ELN: variants seen among roughly 807,000 people sequenced by gnomAD.
ELN encodes elastin, also known as tropoelastin.
A neutral mutation model predicts 105.8 loss-of-function variants in ELN; 65 were observed. The observed-to-expected ratio is 0.61, with a 90% CI of 0.50 to 0.75. ELN has a LOEUF of 0.75. ELN is among the 30% of genes least tolerant of loss of function. ELN has a pLI of 0.00. For missense variants in ELN, 882 were observed against 969.4 expected, an observed-to-expected ratio of 0.91 and a Z score of 1.20; for synonymous variants, 368 against 389.2, an observed-to-expected ratio of 0.95 and a Z score of 0.64.
Position 74,053,418 on chromosome 7 carries a change from C to T in ELN, c.1096+109C>T, listed in dbSNP as rs1441525257. The T allele has an allele frequency of 3.9e-6, 6 of 1,537,014 alleles. No individual in the cohort carries two copies. In the Admixed American group the frequency reaches 7.9e-5, roughly 20 times the overall value. On this transcript the variant is annotated intron_variant, in intron 18 of 32. Coordinates refer to ENST00000252034, the MANE Select transcript of ELN (RefSeq NM_000501.4). ...TTTTGCATTCTCCCTAACACCATAACCATCTGCCCATACCCTTGACCACGT... is the reference window on the plus strand; with the variant it reads ...TTTTGCATTCTCCCTAACACCATAATCATCTGCCCATACCCTTGACCACGT...
chr7:74,052,036 C>T lies in ELN; in HGVS notation c.949+53C>T, dbSNP rs1389114387. On this transcript the variant is annotated intron_variant, in intron 17 of 32. Coordinates refer to ENST00000252034, the MANE Select transcript of ELN (RefSeq NM_000501.4). ...ACGGCTCGGGCCCCTGCATAGACCT[C>T]GGAGACCCTAGCCGCAAAGCCAGAT... The T allele has an allele frequency of 3.4e-5, 54 of 1,604,708 alleles. 1 individual carries two copies. In the East Asian group the frequency reaches 8.3e-4, roughly 25 times the overall value.
At chr7:74,037,660 T>C (rs1554666468) in intron 3 of ELN, 47 bp from the exon 4 acceptor site, 1 of 1,600,926 alleles carries the variant, frequency 6.2e-7, no homozygotes, top group Admixed American at 1.7e-5. Flanking sequence ...AAGTAGTAGA[T>C]GGATAAGCTG....
intron 25 of ELN, among the ~76,000 whole-genome samples, chr7:74,060,759 C>G (rs782077903): frequency 1.3e-5 from 2 of 152,212 alleles, no homozygotes; most frequent in African/African-American, 2.4e-5. Context: ...AAAAAGCCTG[C>G]CCTCCAACCA....
In ELN at chr7:74,054,715, G is replaced by T. The variant is rs727503029; in HGVS notation, c.1097-1G>T. On this transcript the variant is annotated splice_acceptor_variant, in intron 18 of 32. Transcript: ENST00000252034. LOFTEE classifies it high-confidence loss of function. Reference sequence around the variant, plus strand: ...ATTTGTGTCCCTTTTGGTCTCTCCAGGGGTTGTGTCACCAGAAGCAGCTGC... The same window carrying T: ...ATTTGTGTCCCTTTTGGTCTCTCCATGGGTTGTGTCACCAGAAGCAGCTGC... 4 of 1,614,204 alleles carry T rather than the reference G, an allele frequency of 2.5e-6. No individual in the cohort carries two copies. The highest frequency in any genetic ancestry group is 3.4e-6 in the Non-Finnish European group (4 of 1,180,038).
intron 17 of ELN, chr7:74,052,226 C>A: frequency 1.8e-6 from 1 of 565,412 alleles, no homozygotes; most frequent in Non-Finnish European, 3.2e-6. Flanking sequence ...ACTCCATCCC[C>A]TCCAGGGCCA....
intron 24 of ELN, 57 bp downstream of exon 24, chr7:74,060,241 G>C: frequency 6.2e-7 from 1 of 1,613,980 alleles, no homozygotes; most frequent in Non-Finnish European, 8.5e-7. Flanking sequence ...GCTGGTTAGG[G>C]GCAACAGCCA....
chr7:74,061,183 C>T, intron 26 of ELN, 44 bp downstream of exon 26: 1 of 1,612,736 alleles, frequency 6.2e-7, no homozygotes, highest in Non-Finnish European at 8.5e-7. Flanking sequence ...TGCCACCACA[C>T]CATCCCTGAC....
At chr7:74,065,518 G>C (rs1797743391) in intron 29 of ELN, among the ~76,000 whole-genome samples, 176 bp from the exon 30 acceptor site, 1 of 151,770 alleles carries the variant, frequency 6.6e-6, no homozygotes, top group Non-Finnish European at 1.5e-5. Flanking sequence ...GGAGGCTGAG[G>C]CAGGAGAACC....
chr7:74,047,157 G>C (rs1224419886), intron 12 of ELN, among the ~76,000 whole-genome samples: 2 of 152,208 alleles, frequency 1.3e-5, no homozygotes, highest in African/African-American at 4.8e-5. Context: ...CCTGGGTACA[G>C]GTGTCTCTGG....
chr7:74,058,215 TTCTTTC>T (rs1374231963), intron 22 of ELN, among the ~76,000 whole-genome samples: 2 of 149,690 alleles, frequency 1.3e-5, no homozygotes, highest in African/African-American at 5.0e-5. Context: ...CTCCTTCTTC[TTCTTTC>T]TTCTTCTTCT....
At position 74,068,900 on chromosome 7, in the gene ELN, T is replaced by C; in HGVS notation, c.*200T>C. 1 of 647,904 alleles carries C rather than the reference T, an allele frequency of 1.5e-6. No individual in the cohort carries two copies. The highest frequency in any genetic ancestry group is 2.8e-6 in the Non-Finnish European group (1 of 362,000). The allele number at this position is 647,904 out of a possible 1,614,324, so 40.1% of individuals were successfully genotyped here. A position where few individuals can be genotyped will look rare whatever the true frequency, so the allele number is the denominator to read the frequency against. On this transcript the variant is annotated 3_prime_UTR_variant, in exon 33 of 33. Transcript: ENST00000252034. Reference sequence around the variant, plus strand: ...CAAGTGCCCCGACCAGGAGGCCCCCTACTTCAGAGGCAAGGGCCATGTGGT... The same window carrying C: ...CAAGTGCCCCGACCAGGAGGCCCCCCACTTCAGAGGCAAGGGCCATGTGGT...
chr7:74,065,576 T>A, intron 29 of ELN, 118 bp from the exon 30 acceptor site: 8 of 1,238,842 alleles, frequency 6.5e-6, no homozygotes, highest in Admixed American at 4.3e-5. Context: ...ATCGCGCCAC[T>A]GCACTCCAGC....
chr7:74,033,064 C>A (rs560736915), intron 1 of ELN, among the ~76,000 whole-genome samples: 1 of 152,206 alleles, frequency 6.6e-6, no homozygotes. Context: ...CTTGCAGCAA[C>A]CTTGCAACCT....
intron 1 of ELN, among the ~76,000 whole-genome samples, chr7:74,031,348 C>A (rs782407111): frequency 6.6e-6 from 1 of 152,140 alleles, no homozygotes; most frequent in Non-Finnish European, 1.5e-5. Context: ...ATAAAAGGAC[C>A]GTGGGAATGG....
chr7:74,063,633 C>T lies in ELN; in HGVS notation c.1931C>T (p.Ala644Val), dbSNP rs1554686787. The T allele has an allele frequency of 6.2e-7, 1 of 1,614,138 alleles. No individual in the cohort carries two copies. ...GCTGTCTCCACAGGCCTAGTGGGAG[C>T]CGCTGGGCTCGGAGGACTCGGAGTC... Reference protein sequence around the residue: ...AKAAQFGLVGAAGLGGLGVGG... With the variant: ...AKAAQFGLVGVAGLGGLGVGG... Residue 644 changes from alanine (A) to valine (V), a missense_variant, in exon 29 of 33, where the codon GCC becomes GTC. Transcript: ENST00000252034. This position sits in a 1 kb window ranked among gnomAD's most constrained non-coding sequence, Gnocchi z 4.1.
At chr7:74,036,225 C>T (rs1563762950) in intron 2 of ELN, among the ~76,000 whole-genome samples, 3 of 151,762 alleles carry the variant, frequency 2.0e-5, no homozygotes, top group Non-Finnish European at 2.9e-5. Context: ...ACCCAGGAGG[C>T]GGAGCTTACA....
rs782600706 is a variant in ELN, at chr7:74,046,749, A to G, written c.625A>G (p.Lys209Glu). 6.8e-6 allele frequency: 11 copies of G among 1,614,014 alleles called. No homozygotes were observed. Among genetic ancestry groups the G allele is most frequent in the Non-Finnish European group, 9.3e-6 (11 of 1,180,006 alleles). Residue 209 changes from lysine to glutamate, a missense_variant, in exon 12 of 33, where the codon AAG becomes GAG. Physicochemically the swap from Lys to Glu is moderately conservative, Grantham distance 56 (BLOSUM62 1). Transcript: ENST00000252034. ...QPGVPLGYPI[K>E]APKLPGGYGL... ...TGGAGTCCCACTGGGGTATCCCATC[A>G]AGGCCCCCAAGCTGCCTGGTAAGTC...
At chr7:74,068,056 T>G (rs1445802676) in intron 32 of ELN, among the ~76,000 whole-genome samples, 1 of 151,554 alleles carries the variant, frequency 6.6e-6, no homozygotes, top group Non-Finnish European at 1.5e-5. Flanking sequence ...GGTTAGGAAC[T>G]GCTCCGGGCC....
intron 31 of ELN, 88 bp downstream of exon 31, chr7:74,066,085 C>A (rs1563882310): frequency 6.3e-7 from 1 of 1,577,820 alleles, no homozygotes; most frequent in Non-Finnish European, 8.7e-7. Context: ...ACTCCCAGAG[C>A]CCATGTCCAC....
Sources: gnomAD v4.1 joint callset for allele counts (sites outside exome capture counted in the v4.1 genomes callset) on GRCh38, gnomAD v4.1.1 for gene constraint, Gnocchi (gnomAD v3.1) non-coding constraint, MANE v1.5 for transcripts, NCBI Gene and HGNC (gene_info 2026-07-23, HGNC 2026-07-21) for gene names.